Variants in EBF1 observed in about 807,000 individuals in gnomAD.
EBF1 encodes the protein transcription factor COE1.
In EBF1, 10 loss-of-function variants were observed where a neutral mutation model predicts 68.4. The observed-to-expected ratio is 0.15, with a 90% CI of 0.09 to 0.25. The LOEUF is 0.25. Ranked by LOEUF, EBF1 falls within the 10% of genes least tolerant of loss-of-function variation. The pLI is 1.00. For synonymous variants in EBF1, 298 were observed against 299.8 expected (o/e 0.99, Z 0.06); for missense variants, 509 against 794.4 (o/e 0.64, Z 4.32).
intron 6 of EBF1, among the ~76,000 whole-genome samples, chr5:158,897,951 C>G (rs1802489447): frequency 6.6e-6 from 1 of 152,158 alleles, no homozygotes; most frequent in African/African-American, 2.4e-5. Flanking sequence ...ACAAAGGGTA[C>G]TGGGCGAGGC....
intron 4 of EBF1, among the ~76,000 whole-genome samples, chr5:159,084,994 C>G (rs1056855492): frequency 1.3e-5 from 2 of 152,112 alleles, no homozygotes; most frequent in Non-Finnish European, 1.5e-5. Flanking sequence ...GGCAAGACAG[C>G]CACAATTCTC....
chr5:158,712,820 A>T (rs1759713171), intron 13 of EBF1, 150 bp downstream of exon 13: 1 of 738,252 alleles, frequency 1.4e-6, no homozygotes, highest in African/African-American at 1.8e-5. Flanking sequence ...AGCTAGGACC[A>T]ATATTGTACA....
intron 6 of EBF1, among the ~76,000 whole-genome samples, chr5:158,842,522 T>A (rs981857547): frequency 6.6e-6 from 1 of 152,228 alleles, no homozygotes; most frequent in African/African-American, 2.4e-5. Flanking sequence ...ATGAGATTCA[T>A]ATCCTGACTC....
intron 6 of EBF1, among the ~76,000 whole-genome samples, chr5:158,845,123 T>C (rs574954053): frequency 2.0e-5 from 3 of 152,220 alleles, no homozygotes; most frequent in East Asian, 1.9e-4. Context: ...ACCCAGTGGT[T>C]TTTCAGTAAA....
intron 10 of EBF1, among the ~76,000 whole-genome samples, chr5:158,754,664 TATG>T (rs1488713814): frequency 6.6e-6 from 1 of 152,128 alleles, no homozygotes; most frequent in Non-Finnish European, 1.5e-5. Flanking sequence ...ATTCCAAATC[TATG>T]ATATCAGATT....
intron 6 of EBF1, among the ~76,000 whole-genome samples, chr5:158,991,889 C>G (rs897750406): frequency 1.3e-5 from 2 of 152,154 alleles, no homozygotes; most frequent in African/African-American, 4.8e-5. Flanking sequence ...GCCCATTTCA[C>G]CCCTCTCCAA....
At chr5:158,839,124 G>A (rs1229399236) in intron 7 of EBF1, among the ~76,000 whole-genome samples, 1 of 152,222 alleles carries the variant, frequency 6.6e-6, no homozygotes, top group Non-Finnish European at 1.5e-5. Context: ...TTGTGTCTTA[G>A]AAGTAAATGA....
At chr5:158,732,230 A>G (rs1487612353) in intron 10 of EBF1, among the ~76,000 whole-genome samples, 1 of 152,214 alleles carries the variant, frequency 6.6e-6, no homozygotes, top group Non-Finnish European at 1.5e-5. Flanking sequence ...TTAGCTATAC[A>G]TTAAAAAACA....
At chr5:158,988,339 C>T (rs1054699569) in intron 6 of EBF1, among the ~76,000 whole-genome samples, 5 of 152,134 alleles carry the variant, frequency 3.3e-5, no homozygotes, top group African/African-American at 1.2e-4. Flanking sequence ...TCACTCTTTC[C>T]CTATACGCTG....
intron 7 of EBF1, among the ~76,000 whole-genome samples, chr5:158,833,965 T>A (rs1235470870): frequency 6.6e-6 from 1 of 152,240 alleles, no homozygotes; most frequent in African/African-American, 2.4e-5. Flanking sequence ...TGCATAACTA[T>A]GTCTTCTATT....
At chr5:158,902,618 T>C (rs1001279864) in intron 6 of EBF1, among the ~76,000 whole-genome samples, 8 of 147,704 alleles carry the variant, frequency 5.4e-5, no homozygotes, top group South Asian at 2.1e-4. Context: ...TTATTATTAT[T>C]ATCATTATTA....
At chr5:158,981,333 TC>T (rs1260455707) in intron 6 of EBF1, among the ~76,000 whole-genome samples, 1 of 152,194 alleles carries the variant, frequency 6.6e-6, no homozygotes, top group Non-Finnish European at 1.5e-5. Flanking sequence ...TGGAAAGTGA[TC>T]TTTATTGTAT....
At chr5:159,039,581 C>T (rs11745415) in intron 6 of EBF1, among the ~76,000 whole-genome samples, 54,584 of 152,058 alleles carry the variant, frequency 0.36, 10,545 homozygotes, top group East Asian at 0.51. Context: ...AAGAAAGAAA[C>T]AGGAAAGCCA....
chr5:158,864,909 C>T (rs1241901035), intron 6 of EBF1, among the ~76,000 whole-genome samples: 2 of 152,250 alleles, frequency 1.3e-5, no homozygotes, highest in South Asian at 2.1e-4. Flanking sequence ...GAGAGCAGCC[C>T]GTCACTGGGA....
rs139761879 is a variant in EBF1, at chr5:159,078,524, C to T, written c.486-5060G>A. ...CGTTCAAAGCACTATTTTTTAGGCT[C>T]CTACGATGTGTGTTGGGCACTGTAC... On this transcript the variant is annotated intron_variant, in intron 5 of 15. Coordinates refer to ENST00000313708, the MANE Select transcript of EBF1 (RefSeq NM_024007.5). Among the ~76,000 whole-genome samples, 79 of 152,302 alleles carry T rather than the reference C, an allele frequency of 5.2e-4. No individual in the cohort carries two copies. In the East Asian group the frequency reaches 0.014, roughly 27 times the overall value.
At chr5:158,840,951 G>A (rs573764176) in intron 6 of EBF1, among the ~76,000 whole-genome samples, 5 of 152,100 alleles carry the variant, frequency 3.3e-5, no homozygotes, top group Admixed American at 1.3e-4. Context: ...GATTACAGGC[G>A]TGAGCCACCG....
At chr5:158,731,190 T>C (rs1187042686) in intron 10 of EBF1, 33 bp from the exon 11 acceptor site, 1 of 1,601,282 alleles carries the variant, frequency 6.2e-7, no homozygotes, top group East Asian at 2.2e-5. Flanking sequence ...TTAGTACATT[T>C]TCAAGAAATA....
intron 9 of EBF1, among the ~76,000 whole-genome samples, chr5:158,785,453 C>T (rs1304631239): frequency 6.6e-6 from 1 of 152,180 alleles, no homozygotes; most frequent in Non-Finnish European, 1.5e-5. Context: ...AGCTCTTCTT[C>T]TGAGTTCCTT....
At chr5:158,903,536 C>G (rs1803901436) in intron 6 of EBF1, among the ~76,000 whole-genome samples, 2 of 152,006 alleles carry the variant, frequency 1.3e-5, no homozygotes, top group African/African-American at 2.4e-5. Flanking sequence ...AGACAATGGG[C>G]AGGTCTTAGG....
Sources: gnomAD v4.1 joint callset for allele counts (sites outside exome capture counted in the v4.1 genomes callset) on GRCh38, gnomAD v4.1.1 for gene constraint, MANE v1.5 for transcripts, NCBI Gene and HGNC (gene_info 2026-07-23, HGNC 2026-07-21) for gene names.